Variants in CSMD1 observed in about 807,000 individuals in gnomAD.
CSMD1 encodes the protein CUB and Sushi multiple domains 1, also known as CUB and sushi domain-containing protein 1.
CSMD1 carries 213 observed loss-of-function variants against 417.5 expected under a neutral mutation model. That is an observed-to-expected ratio of 0.51 (90% CI 0.46 to 0.57). The LOEUF (loss-of-function observed/expected upper bound fraction) is 0.57, where lower values mean the gene tolerates loss of function less well. CSMD1 is among the 20% of genes least tolerant of loss of function. The pLI is 0.00. For synonymous variants in CSMD1, 2,862 were observed against 1,736.8 expected, an observed-to-expected ratio of 1.65 and a Z score of -16.11; for missense variants, 6,923 against 4,529.7, an observed-to-expected ratio of 1.53 and a Z score of -15.17.
intron 10 of CSMD1, among the ~76,000 whole-genome samples, chr8:3,564,609 A>C (rs1221594087): frequency 6.7e-6 from 1 of 148,414 alleles, no homozygotes; most frequent in Non-Finnish European, 1.5e-5. Flanking sequence ...TTTATTTCTC[A>C]GCTCCAAGAG....
At chr8:3,976,053 G>A (rs182651331) in intron 5 of CSMD1, among the ~76,000 whole-genome samples, 4 of 151,866 alleles carry the variant, frequency 2.6e-5, no homozygotes, top group Admixed American at 2.6e-4. Flanking sequence ...ATTGAAATCT[G>A]TATTTGATAT....
chr8:3,475,642 T>A (rs1009582334), intron 11 of CSMD1, among the ~76,000 whole-genome samples: 1 of 152,196 alleles, frequency 6.6e-6, no homozygotes, highest in African/African-American at 2.4e-5. Flanking sequence ...CTGTGATCTT[T>A]TGCACAGATT....
chr8:4,375,447 T>C lies in CSMD1; in HGVS notation c.415+44506A>G, dbSNP rs374769455. Among the ~76,000 whole-genome samples the C allele has an allele frequency of 5.6e-4, 86 of 152,308 alleles. 1 individual carries two copies. The Middle Eastern group carries it at 0.01, about 18-fold the overall frequency. On this transcript the variant is annotated intron_variant, in intron 3 of 69. Coordinates refer to ENST00000635120, the MANE Select transcript of CSMD1 (RefSeq NM_033225.6). The stretch of plus-strand genomic sequence containing the variant: ...TTGTACTACCCCAGGAAACCAGAGC[T>C]GTCCTCACCCGTTTGTAGTTTTACA...
intron 5 of CSMD1, among the ~76,000 whole-genome samples, chr8:3,924,173 T>C (rs1216178535): frequency 2.0e-5 from 3 of 152,326 alleles, no homozygotes; most frequent in East Asian, 1.9e-4. Context: ...GCATTCTTCG[T>C]TGGCAGCTCT....
chr8:4,770,258 C>T (rs7386146), intron 1 of CSMD1, among the ~76,000 whole-genome samples: 127,972 of 147,884 alleles, frequency 0.87, 56,082 homozygotes, highest in East Asian at 0.97. Context: ...TTCCTAATTA[C>T]ATATAAAATT....
At chr8:4,820,202 T>G (rs953120045) in intron 1 of CSMD1, among the ~76,000 whole-genome samples, 1 of 152,100 alleles carries the variant, frequency 6.6e-6, no homozygotes, top group Non-Finnish European at 1.5e-5. Flanking sequence ...TCTCTTGGCC[T>G]GGACAGAGAA....
chr8:4,955,808 G>T (rs1585403213), intron 1 of CSMD1, among the ~76,000 whole-genome samples: 2 of 95,154 alleles, frequency 2.1e-5, no homozygotes, highest in East Asian at 1.1e-3. Flanking sequence ...CTTCAAATTG[G>T]CCAACATGGG....
At chr8:3,888,266 C>A (rs1215245596) in intron 5 of CSMD1, among the ~76,000 whole-genome samples, 6 of 152,120 alleles carry the variant, frequency 3.9e-5, no homozygotes, top group African/African-American at 1.4e-4. Context: ...TAAATACACC[C>A]AAATGCCAAA....
At chr8:2,958,309 G>C (rs1309620286) in intron 62 of CSMD1, among the ~76,000 whole-genome samples, 1 of 152,112 alleles carries the variant, frequency 6.6e-6, no homozygotes, top group East Asian at 1.9e-4. Context: ...TTCCTCACCA[G>C]GTCTTCACAA....
chr8:3,255,127 G>T (rs1800555318), intron 26 of CSMD1, among the ~76,000 whole-genome samples: 1 of 152,160 alleles, frequency 6.6e-6, no homozygotes, highest in Non-Finnish European at 1.5e-5. Flanking sequence ...GGAGTTTGCG[G>T]AGGTCCACTC....
intron 5 of CSMD1, among the ~76,000 whole-genome samples, chr8:3,873,165 A>G (rs1308657810): frequency 1.3e-5 from 2 of 152,142 alleles, no homozygotes; most frequent in Non-Finnish European, 2.9e-5. Flanking sequence ...AAGACCTAAA[A>G]ACAGAACTAC....
Position 4,255,598 on chromosome 8 carries a change from G to C in CSMD1, c.415+164355C>G, listed in dbSNP as rs1485036173. ...TAAGACACAGAAATCTTTGCATAAA[G>C]TTGATTATACTTGATTTTTATCAGC... On this transcript the variant is annotated intron_variant, in intron 3 of 69. Transcript: ENST00000635120. 2.6e-5 allele frequency among the ~76,000 whole-genome samples: 4 copies of C among 152,170 alleles called. No homozygotes were observed. In the East Asian group the frequency reaches 5.8e-4, roughly 22 times the overall value.
At chr8:3,938,726 T>C (rs1810672043) in intron 5 of CSMD1, among the ~76,000 whole-genome samples, 1 of 152,200 alleles carries the variant, frequency 6.6e-6, no homozygotes, top group Non-Finnish European at 1.5e-5. Context: ...AAACATAAGT[T>C]GTTTTCCTCA....
intron 50 of CSMD1, among the ~76,000 whole-genome samples, chr8:3,034,240 G>A (rs1810523349): frequency 6.6e-6 from 1 of 152,220 alleles, no homozygotes; most frequent in Admixed American, 6.5e-5. Context: ...GTTTCTGGCT[G>A]ATGAAATCGC....
intron 3 of CSMD1, among the ~76,000 whole-genome samples, chr8:4,203,541 T>G (rs1157487688): frequency 1.3e-5 from 2 of 152,132 alleles, no homozygotes; most frequent in Non-Finnish European, 2.9e-5. Flanking sequence ...CTTCTGTTAT[T>G]AAACAGCTGG....
intron 5 of CSMD1, among the ~76,000 whole-genome samples, chr8:3,838,657 A>G (rs1197753416): frequency 8.4e-6 from 1 of 119,754 alleles, no homozygotes; most frequent in Non-Finnish European, 1.6e-5. Context: ...ATATAGTATA[A>G]TATATAATAA....
At chr8:4,280,289 G>A (rs1043301879) in intron 3 of CSMD1, among the ~76,000 whole-genome samples, 2 of 152,130 alleles carry the variant, frequency 1.3e-5, no homozygotes, top group Non-Finnish European at 1.5e-5. Context: ...TTTTTATAAT[G>A]TAGTATATAA....
At position 4,675,853 on chromosome 8, in the gene CSMD1, A is replaced by C. The variant is rs575854831; in HGVS notation, c.86-38295T>G. 2.0e-5 allele frequency among the ~76,000 whole-genome samples: 3 copies of C among 152,310 alleles called. No homozygotes were observed. The South Asian group carries it at 6.2e-4, about 32-fold the overall frequency. ...AATCATCACATTTATGCAGTGTAGT[A>C]AGGTGCCTAATTGTTTCCTAAACAA... On this transcript the variant is annotated intron_variant, in intron 1 of 69. Transcript: ENST00000635120.
At chr8:3,930,643 G>A (rs1810076020) in intron 5 of CSMD1, among the ~76,000 whole-genome samples, 1 of 150,196 alleles carries the variant, frequency 6.7e-6, no homozygotes, top group South Asian at 2.2e-4. Flanking sequence ...AAGTGACCCT[G>A]TCTCCTTTGT....
Sources: allele counts gnomAD v4.1 joint callset (sites outside exome capture counted in the v4.1 genomes callset), GRCh38; gene constraint gnomAD v4.1.1; transcripts MANE v1.5; gene names NCBI Gene and HGNC (gene_info 2026-07-23, HGNC 2026-07-21).